TENM3: variants seen among roughly 807,000 people sequenced by gnomAD.
TENM3 encodes teneurin transmembrane protein 3, also known as teneurin-3.
A neutral mutation model predicts 255.1 loss-of-function variants in TENM3; 63 were observed. The observed-to-expected ratio is 0.25, with a 90% confidence interval of 0.20 to 0.30. The LOEUF (loss-of-function observed/expected upper bound fraction) is 0.30, where lower values mean the gene tolerates loss of function less well. Among genes scored for constraint, TENM3 ranks in the 10% least tolerant of loss-of-function variants. The probability of loss-of-function intolerance (pLI) is 1.00; values close to 1 mark genes in which losing one functional copy is unlikely to be tolerated. For missense variants in TENM3, 2,929 were observed against 3,461.1 expected (o/e 0.85, Z 3.86); for synonymous variants, 1,306 against 1,322.3 (o/e 0.99, Z 0.27).
chr4:182,637,860 C>T (rs1751970948), intron 5 of TENM3, among the ~76,000 whole-genome samples: 2 of 152,170 alleles, frequency 1.3e-5, no homozygotes, highest in African/African-American at 2.4e-5. Context: ...TCAAGATTTT[C>T]CTGCTAAGGC....
At chr4:182,515,259 C>G (rs191375938) in intron 3 of TENM3, among the ~76,000 whole-genome samples, 8 of 152,194 alleles carry the variant, frequency 5.3e-5, no homozygotes, top group Admixed American at 4.6e-4. Flanking sequence ...GGGTGACAGT[C>G]ACTAAGTGAG....
rs1761336546 is a variant in TENM3, at chr4:182,738,389, T to G, written c.3236-12T>G. Reference sequence around the variant, plus strand: ...CGTTGGAAAGATGAGCTGTGATTTGTTTGGATTCCAGTGTCAGTTGGATAT... The same window carrying G: ...CGTTGGAAAGATGAGCTGTGATTTGGTTGGATTCCAGTGTCAGTTGGATAT... On this transcript the variant is annotated splice_polypyrimidine_tract_variant and intron_variant, in intron 17 of 27. Transcript: ENST00000511685. The G allele has an allele frequency of 2.5e-6, 4 of 1,587,786 alleles. No individual in the cohort carries two copies. Among genetic ancestry groups the G allele is most frequent in the Non-Finnish European group, 3.4e-6 (4 of 1,167,720 alleles).
chr4:182,553,065 T>C (rs1326013816), intron 3 of TENM3, among the ~76,000 whole-genome samples: 1 of 152,164 alleles, frequency 6.6e-6, no homozygotes, highest in Non-Finnish European at 1.5e-5. Flanking sequence ...CGTAATTTGC[T>C]TTTGTAATCT....
the TENM3 span, chr4:181,522,774 C>A: frequency 1.3e-6 from 1 of 782,444 alleles, no homozygotes; most frequent in East Asian, 2.7e-5. Flanking sequence ...AAATGGAGAA[C>A]AACTGGATCT....
chr4:182,761,397 T>G (rs1351790376), intron 22 of TENM3, among the ~76,000 whole-genome samples: 1 of 148,600 alleles, frequency 6.7e-6, no homozygotes, highest in Non-Finnish European at 1.5e-5. Flanking sequence ...CCAGCCTGGG[T>G]GAAAAGAGTG....
the TENM3 span, among the ~76,000 whole-genome samples, chr4:181,516,509 G>C: frequency 7.9e-5 from 12 of 151,992 alleles, no homozygotes; most frequent in African/African-American, 2.2e-4. Flanking sequence ...GGGTGGGCGC[G>C]GTGGCTCACA....
At chr4:182,172,639 C>G (rs1255353756) in intron 1 of TENM3, among the ~76,000 whole-genome samples, 1 of 152,042 alleles carries the variant, frequency 6.6e-6, no homozygotes, top group Admixed American at 6.6e-5. Context: ...ATCTGAAAAA[C>G]CGAGAAACTA....
At chr4:182,044,870 C>T in the TENM3 span, among the ~76,000 whole-genome samples, 1 of 152,198 alleles carries the variant, frequency 6.6e-6, no homozygotes, top group African/African-American at 2.4e-5. Context: ...CTCCCTGCCT[C>T]AACAGGGATT....
chr4:181,997,870 C>G, the TENM3 span, among the ~76,000 whole-genome samples: 2 of 152,140 alleles, frequency 1.3e-5, no homozygotes, highest in Admixed American at 1.3e-4. Flanking sequence ...TCCTTTATTG[C>G]GGCAAGAACA....
intron 2 of TENM3, among the ~76,000 whole-genome samples, chr4:182,337,107 C>T (rs549050867): frequency 4.6e-5 from 7 of 152,172 alleles, no homozygotes; most frequent in Non-Finnish European, 7.4e-5. Context: ...TAAAAAGCTA[C>T]GTATGTTCTT....
intron 7 of TENM3, among the ~76,000 whole-genome samples, chr4:182,674,600 G>A (rs888813257): frequency 6.6e-6 from 1 of 152,116 alleles, no homozygotes; most frequent in African/African-American, 2.4e-5. Context: ...GTTTGAGACA[G>A]GGTCTCACTC....
chr4:181,527,526 G>A, the TENM3 span, among the ~76,000 whole-genome samples: 19 of 151,968 alleles, frequency 1.3e-4, no homozygotes, highest in East Asian at 1.6e-3. Flanking sequence ...AAGCCACCAC[G>A]CCTGGCTAAT....
intron 1 of TENM3, among the ~76,000 whole-genome samples, chr4:182,306,982 C>G (rs1762173468): frequency 6.6e-6 from 1 of 152,174 alleles, no homozygotes; most frequent in Non-Finnish European, 1.5e-5. Context: ...TCATTTACAT[C>G]ACAGCAATTA....
In TENM3 at chr4:182,673,121, A is replaced by G; in HGVS notation, c.1228A>G (p.Ile410Val). Residue 410 changes from isoleucine (I) to valine (V), a missense_variant, in exon 7 of 28, where the codon ATT becomes GTT. Around this residue, in one of 6 missense-constraint regions of TENM3, gnomAD observed 1,608 missense variants for 1,884.4 expected, o/e 0.85. Coordinates refer to ENST00000511685, the MANE Select transcript of TENM3 (RefSeq NM_001080477.4). ...GATCTTCTGGAGATCACAGCTCTTC[A>G]TTGATCAGCCACAGTTTCTTAAATT... is the stretch of plus-strand genomic sequence containing the variant. ...PGIFWRSQLFIDQPQFLKFNI... is the reference protein window; with the variant it reads ...PGIFWRSQLFVDQPQFLKFNI... 6.2e-7 allele frequency: 1 copy of G among 1,613,694 alleles called. No homozygotes were observed.
At chr4:182,214,086 A>G (rs537603570) in intron 1 of TENM3, among the ~76,000 whole-genome samples, 55 of 151,596 alleles carry the variant, frequency 3.6e-4, no homozygotes, top group Admixed American at 1.0e-3. Flanking sequence ...ACAGGTGTGA[A>G]CCACCGCGCC....
intron 1 of TENM3, among the ~76,000 whole-genome samples, chr4:182,292,772 A>G (rs1047133249): frequency 7.2e-5 from 11 of 152,198 alleles, no homozygotes; most frequent in Admixed American, 2.6e-4. Flanking sequence ...AGATGAATAA[A>G]CAAGGACAAC....
chr4:181,453,034 T>G, the TENM3 span, among the ~76,000 whole-genome samples: 1 of 152,212 alleles, frequency 6.6e-6, no homozygotes, highest in African/African-American at 2.4e-5. Context: ...TTAAGGTTGA[T>G]GACTATAAGT....
At chr4:181,628,331 A>G in the TENM3 span, among the ~76,000 whole-genome samples, 464 of 152,164 alleles carry the variant, frequency 3.0e-3, 3 homozygotes, top group African/African-American at 0.011. Flanking sequence ...GAAGTTCTTT[A>G]GTTTAATTAG....
chr4:181,661,719 G>A, the TENM3 span, among the ~76,000 whole-genome samples: 1 of 152,098 alleles, frequency 6.6e-6, no homozygotes, highest in South Asian at 2.1e-4. Context: ...CCAGTTGGTT[G>A]CTGTAGTTTC....
Sources: allele counts gnomAD v4.1 joint callset (sites outside exome capture counted in the v4.1 genomes callset), GRCh38; gene constraint gnomAD v4.1.1; regional missense constraint gnomAD v4.1.1; transcripts MANE v1.5; gene names NCBI Gene and HGNC (gene_info 2026-07-23, HGNC 2026-07-21).